ITGA6: variants seen among roughly 807,000 people sequenced by gnomAD.
ITGA6 encodes integrin alpha-6.
In ITGA6, 63 loss-of-function variants were observed where a neutral mutation model predicts 133.6. The ratio of observed to expected loss-of-function variants is 0.47; its 90% CI spans 0.38 to 0.58. ITGA6 has a LOEUF of 0.58. Among genes scored for constraint, ITGA6 ranks in the 20% least tolerant of loss-of-function variants. ITGA6 has a pLI of 0.00. For missense variants in ITGA6, 1,068 were observed against 1,309.4 expected, an observed-to-expected ratio of 0.82 and a Z score of 2.85; for synonymous variants, 434 against 482.0, an observed-to-expected ratio of 0.90 and a Z score of 1.30.
intron 23 of ITGA6, among the ~76,000 whole-genome samples, chr2:172,493,515 T>C (rs1559154401): frequency 6.6e-6 from 1 of 152,094 alleles, no homozygotes; most frequent in South Asian, 2.1e-4. Context: ...CTAGATACTT[T>C]ATACTCTATC....
Position 172,465,496 on chromosome 2 carries a change from A to G in ITGA6, c.183-43A>G, listed in dbSNP as rs1685618723. 5 of 1,611,562 alleles carry G rather than the reference A, an allele frequency of 3.1e-6. No individual in the cohort carries two copies. The East Asian group carries it at 6.7e-5, about 22-fold the overall frequency. On this transcript the variant is annotated intron_variant, in intron 1 of 25. Coordinates refer to ENST00000684293, the MANE Select transcript of ITGA6 (RefSeq NM_000210.4). Reference sequence around the variant, plus strand: ...TCTGACTGATTTAACTGTTAAACGTATATTAAATTCAAATCTCCAAATTGT... The same window carrying G: ...TCTGACTGATTTAACTGTTAAACGTGTATTAAATTCAAATCTCCAAATTGT...
chr2:172,483,479 C>T (rs1025815742), intron 11 of ITGA6, among the ~76,000 whole-genome samples: 1 of 152,162 alleles, frequency 6.6e-6, no homozygotes, highest in Non-Finnish European at 1.5e-5. Context: ...ATTGCCTTCT[C>T]CAGCCCTCTG....
chr2:172,463,342 T>G (rs893621473), intron 1 of ITGA6, among the ~76,000 whole-genome samples: 1 of 152,200 alleles, frequency 6.6e-6, no homozygotes, highest in Non-Finnish European at 1.5e-5. Flanking sequence ...TCTAGGCTTC[T>G]CTTTGCTGGT....
chr2:172,473,025 G>T, intron 5 of ITGA6: 1 of 624,028 alleles, frequency 1.6e-6, no homozygotes, highest in Non-Finnish European at 2.9e-6. Flanking sequence ...AGCATGCCAT[G>T]GCTGGGGCTC....
intron 20 of ITGA6, chr2:172,490,644 C>T: frequency 3.9e-6 from 1 of 257,544 alleles, no homozygotes; most frequent in South Asian, 4.6e-5. Context: ...TCACTTATTC[C>T]TTCAAGATGT....
chr2:172,485,370 T>C, intron 13 of ITGA6, 106 bp downstream of exon 13: 1 of 997,694 alleles, frequency 1.0e-6, no homozygotes, highest in Non-Finnish European at 1.6e-6. Flanking sequence ...TAAAGGCCAT[T>C]CTTTTGTGTT....
At chr2:172,441,559 TAAAAAAAAAA>T (rs57828626) in intron 1 of ITGA6, among the ~76,000 whole-genome samples, 1,172 of 48,830 alleles carry the variant, frequency 0.024, 36 homozygotes, top group African/African-American at 0.074. Context: ...GCTGTCTCTT[TAAAAAAAAAA>T]AAAAAAAAAA....
intron 1 of ITGA6, among the ~76,000 whole-genome samples, chr2:172,457,898 C>A (rs1685277171): frequency 1.3e-5 from 2 of 152,138 alleles, no homozygotes; most frequent in East Asian, 3.8e-4. Flanking sequence ...TATGAAGAAG[C>A]AGAAAGCAGA....
At chr2:172,461,717 C>A (rs1388380111) in intron 1 of ITGA6, among the ~76,000 whole-genome samples, 2 of 152,142 alleles carry the variant, frequency 1.3e-5, no homozygotes, top group South Asian at 4.1e-4. Context: ...CATTTAAGGG[C>A]CTTGGAGGGA....
intron 23 of ITGA6, among the ~76,000 whole-genome samples, chr2:172,494,953 G>A (rs1037178431): frequency 1.3e-5 from 2 of 152,016 alleles, no homozygotes; most frequent in African/African-American, 4.8e-5. Context: ...TAAATTCAGA[G>A]AACAACTTAA....
rs772394545 is a variant in ITGA6, at chr2:172,474,992, A to G, written c.1050A>G (p.Ala350=). ...YFDRDGEVGG[A]VYVYMNQQGR... ...ATAGAGATGGAGAAGTTGGAGGTGC[A>G]GTGTATGTCTACATGAACCAGCAAG... The change falls in exon 7 of 26, where the codon GCA becomes GCG. Residue 350 remains alanine, a synonymous_variant. Coordinates refer to ENST00000684293, the MANE Select transcript of ITGA6 (RefSeq NM_000210.4). 1 of 1,585,886 alleles carries G rather than the reference A, an allele frequency of 6.3e-7. No homozygotes were observed. The highest frequency in any genetic ancestry group is 1.1e-5 in the South Asian group (1 of 90,532).
intron 1 of ITGA6, chr2:172,464,518 T>C (rs1007474086): frequency 6.6e-6 from 1 of 152,310 alleles, no homozygotes; most frequent in Admixed American, 6.5e-5. Context: ...GTGTTCTTTG[T>C]CTTTGTTTCT....
intron 20 of ITGA6, 131 bp downstream of exon 20, chr2:172,489,789 A>G (rs1574404722): frequency 1.1e-6 from 1 of 874,100 alleles, no homozygotes; most frequent in Admixed American, 2.3e-5. Context: ...GGTTGTCACA[A>G]TTTCTCTTTT....
intron 1 of ITGA6, among the ~76,000 whole-genome samples, chr2:172,440,074 C>G (rs940860133): frequency 6.6e-6 from 1 of 152,164 alleles, no homozygotes; most frequent in African/African-American, 2.4e-5. Context: ...CATTGGTCAG[C>G]CTTCACTGTT....
chr2:172,475,531 TA>T, intron 7 of ITGA6, 65 bp from the exon 8 acceptor site: 1 of 917,920 alleles, frequency 1.1e-6, no homozygotes, highest in Non-Finnish European at 1.8e-6. Flanking sequence ...CATCTTACTT[TA>T]AAACATTTTA....
At position 172,488,109 on chromosome 2, in the gene ITGA6, G is replaced by A; in HGVS notation, c.2403-17G>A. 1 of 1,611,708 alleles carries A rather than the reference G, an allele frequency of 6.2e-7. No homozygotes were observed. The highest frequency in any genetic ancestry group is 8.5e-7 in the Non-Finnish European group (1 of 1,177,788). On this transcript the variant is annotated splice_polypyrimidine_tract_variant and intron_variant, in intron 18 of 25. Coordinates refer to ENST00000684293, the MANE Select transcript of ITGA6 (RefSeq NM_000210.4). The stretch of plus-strand genomic sequence containing the variant: ...ATTTACAATCCTCATTAAAACTGGT[G>A]TTTTTTAATTTGACAGAGTTGCTAA...
intron 1 of ITGA6, among the ~76,000 whole-genome samples, chr2:172,442,444 T>C (rs1684584658): frequency 6.6e-6 from 1 of 152,060 alleles, no homozygotes; most frequent in Admixed American, 6.6e-5. Flanking sequence ...AGACGAAGGG[T>C]GAGGAGTTCT....
chr2:172,432,373 A>G (rs1489893316), intron 1 of ITGA6, among the ~76,000 whole-genome samples: 1 of 152,202 alleles, frequency 6.6e-6, no homozygotes, highest in African/African-American at 2.4e-5. Context: ...ATCTCTCCCA[A>G]CTGGATTGTA....
rs754756739 is a variant in ITGA6, at chr2:172,471,117, C to A, written c.775+12C>A. The A allele has an allele frequency of 6.2e-7, 1 of 1,614,152 alleles. No homozygotes were observed. The highest frequency in any genetic ancestry group is 1.1e-5 in the South Asian group (1 of 91,080). On this transcript the variant is annotated intron_variant, in intron 5 of 25. Coordinates refer to ENST00000684293, the MANE Select transcript of ITGA6 (RefSeq NM_000210.4). ...TAACAGTTACTTAGGTAGGAGCAGG[C>A]ACAGATGGCTGCCTTTGCCCACCTT...
Sources: gnomAD v4.1 joint callset for allele counts (sites outside exome capture counted in the v4.1 genomes callset) on GRCh38, gnomAD v4.1.1 for gene constraint, MANE v1.5 for transcripts, NCBI Gene and HGNC (gene_info 2026-07-23, HGNC 2026-07-21) for gene names.